Variants in IL1RAPL2 observed in about 807,000 individuals in gnomAD.
IL1RAPL2 encodes the protein X-linked interleukin-1 receptor accessory protein-like 2.
Under a neutral mutation model 44.1 loss-of-function variants are expected in IL1RAPL2, and 3 were observed. The observed-to-expected ratio is 0.07, with a 90% confidence interval of 0.03 to 0.18. The LOEUF is 0.18. IL1RAPL2 is among the 10% of genes least tolerant of loss of function. The probability of loss-of-function intolerance (pLI) is 1.00; values close to 1 mark genes in which losing one functional copy is unlikely to be tolerated. For synonymous variants in IL1RAPL2, 181 were observed against 178.8 expected, an observed-to-expected ratio of 1.01 and a Z score of -0.10; for missense variants, 391 against 496.4, an observed-to-expected ratio of 0.79 and a Z score of 2.02.
At position 105,583,257 on chromosome X, in the gene IL1RAPL2, C is replaced by T. The variant is rs183493506; in HGVS notation, c.772+98870C>T. 1.5e-3 allele frequency among the ~76,000 whole-genome samples: 164 copies of T among 108,817 alleles called. 1 individual carries two copies. Among genetic ancestry groups the T allele is most frequent in the Middle Eastern group, 9.5e-3 (2 of 211 alleles). The allele number at this position is 108,817 out of a possible 115,157, so 94.5% of individuals were successfully genotyped here. A position where few individuals can be genotyped will look rare whatever the true frequency, so the allele number is the denominator to read the frequency against. ...TCAAGCGATTCTCCTGCCTCAGCCT[C>T]CCGAGTAGCTGGGACTACTGGCGCG... On this transcript the variant is annotated intron_variant, in intron 6 of 10. Transcript: ENST00000372582.
chrX:104,959,825 G>A (rs1474043234), intron 2 of IL1RAPL2, among the ~76,000 whole-genome samples: 6 of 111,076 alleles, frequency 5.4e-5, no homozygotes, highest in Non-Finnish European at 1.1e-4. Flanking sequence ...GCCTTTCTCT[G>A]CTTTCTTTCT....
chrX:105,363,910 T>A (rs981987158), intron 5 of IL1RAPL2, among the ~76,000 whole-genome samples: 13 of 111,581 alleles, frequency 1.2e-4, no homozygotes, highest in African/African-American at 3.9e-4. Flanking sequence ...ATCACTTCAC[T>A]CTGTTTCTTT....
intron 2 of IL1RAPL2, among the ~76,000 whole-genome samples, chrX:105,177,158 A>G (rs1020036670): frequency 9.1e-6 from 1 of 110,258 alleles, no homozygotes; most frequent in Non-Finnish European, 1.9e-5. Context: ...CCACTCCCCA[A>G]TTGCTCTCAT....
At chrX:105,069,670 A>G (rs909266120) in intron 2 of IL1RAPL2, among the ~76,000 whole-genome samples, 1 of 112,437 alleles carries the variant, frequency 8.9e-6, no homozygotes, top group African/African-American at 3.2e-5. Flanking sequence ...TTTAGAAAAA[A>G]AAGTAAGGGA....
intron 2 of IL1RAPL2, among the ~76,000 whole-genome samples, chrX:105,116,177 G>A (rs755260845): frequency 5.3e-5 from 6 of 112,897 alleles, no homozygotes; most frequent in Non-Finnish European, 1.1e-4. Context: ...GCGGGCTGAA[G>A]GGCTCCTCAA....
At chrX:104,950,687 G>T (rs1208437383) in intron 2 of IL1RAPL2, among the ~76,000 whole-genome samples, 6 of 85,394 alleles carry the variant, frequency 7.0e-5, no homozygotes, top group African/African-American at 1.9e-4. Flanking sequence ...GCTGTTTTTT[G>T]TTTGTTTGTT....
At chrX:104,871,507 GT>G (rs1406165827) in intron 2 of IL1RAPL2, among the ~76,000 whole-genome samples, 1 of 111,224 alleles carries the variant, frequency 9.0e-6, no homozygotes, top group Non-Finnish European at 1.9e-5. Context: ...CTCTGACATT[GT>G]TTTTTTCCTT....
intron 2 of IL1RAPL2, among the ~76,000 whole-genome samples, chrX:104,710,482 T>C (rs1245178472): frequency 9.0e-6 from 1 of 110,921 alleles, no homozygotes; most frequent in African/African-American, 3.3e-5. Flanking sequence ...GCAGAGATGA[T>C]AAAGAAAATG....
chrX:105,220,495 T>C (rs781829113), intron 3 of IL1RAPL2: 14 of 813,215 alleles, frequency 1.7e-5, no homozygotes, highest in Non-Finnish European at 2.3e-5. Context: ...ATCCATCTTC[T>C]CCCGCCCTCT....
At chrX:105,445,189 A>G (rs1292706119) in intron 5 of IL1RAPL2, among the ~76,000 whole-genome samples, 11 of 111,818 alleles carry the variant, frequency 9.8e-5, no homozygotes, top group Non-Finnish European at 2.1e-4. Flanking sequence ...TAACTTACTC[A>G]TAGTAGCCAC....
intron 2 of IL1RAPL2, among the ~76,000 whole-genome samples, chrX:104,844,296 A>G (rs1375415300): frequency 9.0e-6 from 1 of 111,601 alleles, no homozygotes; most frequent in Non-Finnish European, 1.9e-5. Context: ...AGGATAATCA[A>G]TTAGGTCAAC....
At chrX:104,582,102 T>C (rs1928358748) in intron 1 of IL1RAPL2, among the ~76,000 whole-genome samples, 1 of 112,246 alleles carries the variant, frequency 8.9e-6, no homozygotes, top group Admixed American at 9.5e-5. Context: ...TAAATACTGC[T>C]GCATTAGAAG....
intron 6 of IL1RAPL2, among the ~76,000 whole-genome samples, chrX:105,575,713 G>A (rs189245596): frequency 5.2e-4 from 58 of 112,342 alleles, no homozygotes; most frequent in African/African-American, 1.7e-3. Context: ...TAGGTGGAAT[G>A]GTAGTTCTAT....
At chrX:105,150,935 T>C (rs1441187007) in intron 2 of IL1RAPL2, among the ~76,000 whole-genome samples, 1 of 111,910 alleles carries the variant, frequency 8.9e-6, no homozygotes, top group Non-Finnish European at 1.9e-5. Flanking sequence ...AAATCCACTG[T>C]AGTTTTAAGG....
intron 2 of IL1RAPL2, among the ~76,000 whole-genome samples, chrX:104,949,669 G>T (rs1338930788): frequency 9.1e-5 from 10 of 109,500 alleles, no homozygotes; most frequent in Admixed American, 8.8e-4. Flanking sequence ...CCTTCATTTC[G>T]TTATGTAGCC....
chrX:104,729,225 A>G (rs1407864071), intron 2 of IL1RAPL2, among the ~76,000 whole-genome samples: 6 of 111,647 alleles, frequency 5.4e-5, no homozygotes, highest in African/African-American at 2.0e-4. Context: ...TTCAAAATGT[A>G]AAACAATTAA....
chrX:105,203,958 T>G (rs782405656), intron 3 of IL1RAPL2, among the ~76,000 whole-genome samples: 2 of 111,739 alleles, frequency 1.8e-5, no homozygotes, highest in African/African-American at 6.5e-5. Flanking sequence ...ATTTTTAAAT[T>G]TATGGGATCC....
intron 3 of IL1RAPL2, among the ~76,000 whole-genome samples, chrX:105,228,919 A>G (rs1295086025): frequency 8.9e-6 from 1 of 112,177 alleles, no homozygotes; most frequent in Admixed American, 9.5e-5. Flanking sequence ...GGTTATTGGG[A>G]TAATTAAGTA....
chrX:105,012,597 T>TG (rs1491133916), intron 2 of IL1RAPL2, among the ~76,000 whole-genome samples: 1 of 56,721 alleles, frequency 1.8e-5, no homozygotes, highest in Admixed American at 2.0e-4. Flanking sequence ...TAACTTTCTC[T>TG]TTCTCTCTCT....
Sources: allele counts gnomAD v4.1 joint callset (sites outside exome capture counted in the v4.1 genomes callset), GRCh38; gene constraint gnomAD v4.1.1; transcripts MANE v1.5; gene names NCBI Gene and HGNC (gene_info 2026-07-23, HGNC 2026-07-21).